FBXW8: variants seen among roughly 807,000 people sequenced by gnomAD.
The protein encoded by FBXW8 is F-box/WD repeat-containing protein 8.
A neutral mutation model predicts 65.3 loss-of-function variants in FBXW8; 57 were observed. The ratio of observed to expected loss-of-function variants is 0.87; its 90% CI spans 0.71 to 1.09. The LOEUF is 1.09. Ranked by LOEUF, FBXW8 falls within the 50% of genes least tolerant of loss-of-function variation. The pLI is 0.00. For synonymous variants in FBXW8, 308 were observed against 330.2 expected (o/e 0.93, Z 0.73); for missense variants, 777 against 814.8 (o/e 0.95, Z 0.57).
At chr12:116,970,835 A>G (rs959795048) in intron 5 of FBXW8, among the ~76,000 whole-genome samples, 1 of 152,176 alleles carries the variant, frequency 6.6e-6, no homozygotes, top group Non-Finnish European at 1.5e-5. Context: ...TTTGTTTTCC[A>G]GTCAGTCTTG....
intron 7 of FBXW8, among the ~76,000 whole-genome samples, chr12:117,006,332 A>G (rs1044305955): frequency 2.0e-5 from 3 of 152,244 alleles, no homozygotes; most frequent in African/African-American, 7.2e-5. Flanking sequence ...ATAGCCCCCA[A>G]TTTAGGAAGA....
intron 7 of FBXW8, among the ~76,000 whole-genome samples, chr12:117,006,769 C>T (rs1290551611): frequency 6.6e-6 from 1 of 152,258 alleles, no homozygotes; most frequent in Admixed American, 6.5e-5. Context: ...AGCGTCCCTG[C>T]ACGTTCATTC....
Position 116,949,599 on chromosome 12 carries a change from C to T in FBXW8, c.589-19C>T, listed in dbSNP as rs1455542051. Reference sequence around the variant, plus strand: ...GTCCCGAGAGCAGTCTAAACTGCATCCCCCTTTTCCTCACGCAGAATCGCA... The same window carrying T: ...GTCCCGAGAGCAGTCTAAACTGCATTCCCCTTTTCCTCACGCAGAATCGCA... On this transcript the variant is annotated intron_variant, in intron 3 of 10. Transcript: ENST00000652555. 4 of 1,612,746 alleles carry T rather than the reference C, an allele frequency of 2.5e-6. No homozygotes were observed. Among genetic ancestry groups the T allele is most frequent in the Non-Finnish European group, 3.4e-6 (4 of 1,178,854 alleles).
rs758133267 is a variant in FBXW8, at chr12:116,949,630, G to T, written c.601G>T (p.Ala201Ser). Residue 201 changes from alanine (A) to serine (S), a missense_variant, in exon 4 of 11, where the codon GCC becomes TCC. Coordinates refer to ENST00000652555, the MANE Select transcript of FBXW8 (RefSeq NM_153348.3). ...LRTNWKNRKG[A>S]VSELEHVPDT... ...TTTCCTCACGCAGAATCGCAAAGGTGCCGTGAGCGAGCTGGAGCATGTTCC... is the reference window on the plus strand; with the variant it reads ...TTTCCTCACGCAGAATCGCAAAGGTTCCGTGAGCGAGCTGGAGCATGTTCC... 1.2e-6 allele frequency: 2 copies of T among 1,614,212 alleles called. No individual in the cohort carries two copies. The highest frequency in any genetic ancestry group is 8.5e-7 in the Non-Finnish European group (1 of 1,180,034).
chr12:117,004,402 T>C (rs566284780), intron 7 of FBXW8, among the ~76,000 whole-genome samples: 8 of 152,338 alleles, frequency 5.3e-5, no homozygotes, highest in African/African-American at 1.7e-4. Context: ...TTTTTTAAAT[T>C]GTGAGCTAAT....
At chr12:116,985,644 C>T (rs1008664681) in intron 6 of FBXW8, 66 of 430,394 alleles carry the variant, frequency 1.5e-4, no homozygotes, top group African/African-American at 1.2e-3. Flanking sequence ...TAAGAAGTTA[C>T]GATTCAAACC....
At chr12:116,972,721 C>T (rs1370268735) in intron 5 of FBXW8, among the ~76,000 whole-genome samples, 1 of 152,096 alleles carries the variant, frequency 6.6e-6, no homozygotes, top group African/African-American at 2.4e-5. Context: ...AGAATGAACC[C>T]TGTGGGGCTG....
chr12:116,980,132 C>T (rs2135658858), intron 5 of FBXW8: 1 of 152,314 alleles, frequency 6.6e-6, no homozygotes, highest in East Asian at 1.9e-4. Flanking sequence ...TGGGGACAGC[C>T]ACCTTTCTCC....
intron 5 of FBXW8, 102 bp downstream of exon 5, chr12:116,964,956 C>T (rs570507040): frequency 7.5e-5 from 86 of 1,152,594 alleles, no homozygotes; most frequent in Non-Finnish European, 9.8e-5. Context: ...CATATGTACA[C>T]GTGGGCACAC....
chr12:117,003,026 T>C (rs1322243715), intron 7 of FBXW8: 2 of 152,246 alleles, frequency 1.3e-5, no homozygotes. Flanking sequence ...TATAGGACTT[T>C]TTCTTTTGTA....
intron 7 of FBXW8, among the ~76,000 whole-genome samples, chr12:116,993,470 G>T (rs1953302876): frequency 6.6e-6 from 1 of 152,030 alleles, no homozygotes; most frequent in Admixed American, 6.6e-5. Context: ...GTTTTAATTT[G>T]CATTTCCCTG....
At chr12:117,011,068 C>G (rs561577059) in intron 8 of FBXW8, among the ~76,000 whole-genome samples, 33 of 151,942 alleles carry the variant, frequency 2.2e-4, no homozygotes, top group Admixed American at 6.5e-4. Flanking sequence ...TTGAAAAGAC[C>G]CTTTGAGTCC....
rs1247057622 is a variant in FBXW8, at chr12:117,029,899, CTG to C, written c.*1729_*1730del. 3.3e-5 allele frequency: 5 copies of C among 151,832 alleles called. No homozygotes were observed. The highest frequency in any genetic ancestry group is 7.3e-5 in the African/African-American group (3 of 41,356). 9.4% of individuals were successfully genotyped at this position (151,832 alleles called of 1,614,324 possible). A position where few individuals can be genotyped will look rare whatever the true frequency, so the allele number is the denominator to read the frequency against. On this transcript the variant is annotated 3_prime_UTR_variant, in exon 11 of 11. Transcript: ENST00000652555. ...GTGCTGGGATTACAGGTGTAAGTCA[CTG>C]TACCCAGCCCAAAAGCAGTTTAAAA... is the stretch of plus-strand genomic sequence containing the variant.
At chr12:117,019,970 A>G (rs1298748297) in intron 8 of FBXW8, among the ~76,000 whole-genome samples, 1 of 152,168 alleles carries the variant, frequency 6.6e-6, no homozygotes, top group Admixed American at 6.5e-5. Context: ...GGCGAAGCGC[A>G]CCCCTCTTCC....
At chr12:117,011,119 T>C (rs1953796153) in intron 8 of FBXW8, among the ~76,000 whole-genome samples, 1 of 128,052 alleles carries the variant, frequency 7.8e-6, no homozygotes, top group Admixed American at 7.1e-5. Flanking sequence ...CCTTGTTTTT[T>C]TCTTTTCCTT....
chr12:116,946,364 C>A (rs1237468829), intron 3 of FBXW8, among the ~76,000 whole-genome samples: 1 of 152,184 alleles, frequency 6.6e-6, no homozygotes, highest in East Asian at 1.9e-4. Context: ...CGGTTTCTAG[C>A]AAAGTCAATA....
At chr12:117,013,301 T>C (rs572070780) in intron 8 of FBXW8, among the ~76,000 whole-genome samples, 3 of 152,018 alleles carry the variant, frequency 2.0e-5, no homozygotes, top group South Asian at 2.1e-4. Context: ...AAGAGAAAGA[T>C]TGGGGTGGAA....
chr12:116,915,640 CTTTTTTTTTTTTTT>C (rs57687048), intron 1 of FBXW8, among the ~76,000 whole-genome samples: 6 of 77,202 alleles, frequency 7.8e-5, no homozygotes, highest in East Asian at 4.4e-4. Context: ...CACCTGACTA[CTTTTTTTTTTTTTT>C]TTTTTTTTTT....
rs61937002 is a variant in FBXW8, at chr12:117,024,479, C to T, written c.1541+159C>T. Among the ~76,000 whole-genome samples the T allele has an allele frequency of 8.1e-3, 1,229 of 152,316 alleles. 4 individuals are homozygous for T. Among genetic ancestry groups the T allele is most frequent in the Non-Finnish European group, 0.014 (930 of 68,030 alleles). On this transcript the variant is annotated intron_variant, in intron 9 of 10. Transcript: ENST00000652555. ...TAGGAGCCAGCTGCTGTCCCAGCAC[C>T]GCTCTGCAGAGGAGGAAACAGGCTT...
Sources: allele counts gnomAD v4.1 joint callset (sites outside exome capture counted in the v4.1 genomes callset), GRCh38; gene constraint gnomAD v4.1.1; transcripts MANE v1.5; gene names NCBI Gene and HGNC (gene_info 2026-07-23, HGNC 2026-07-21).